The following MYADML2 variants were observed in gnomAD, a reference collection of about 807,000 sequenced individuals.
MYADML2 encodes myeloid associated differentiation marker like 2.
In MYADML2, 17 loss-of-function variants were observed where a neutral mutation model predicts 16.0. That is an observed-to-expected ratio of 1.06 (90% CI 0.73 to 1.60). The LOEUF (loss-of-function observed/expected upper bound fraction) is 1.60. MYADML2 is among the 40% of genes most tolerant of loss of function. MYADML2 has a pLI of 0.00. For missense variants in MYADML2, 422 were observed against 437.7 expected (o/e 0.96, Z 0.32); for synonymous variants, 210 against 208.1 (o/e 1.01, Z -0.08).
chr17:81,946,419 C>A (rs770855643), intron 1 of MYADML2, among the ~76,000 whole-genome samples: 4 of 150,350 alleles, frequency 2.7e-5, no homozygotes, highest in African/African-American at 7.4e-5. Flanking sequence ...GAGGCTGAGG[C>A]GGGCGGATCA....
At chr17:81,943,009 C>G (rs934075177) in intron 1 of MYADML2, among the ~76,000 whole-genome samples, 20 of 152,106 alleles carry the variant, frequency 1.3e-4, no homozygotes, top group Admixed American at 1.3e-3. Context: ...CACTTGCACT[C>G]ACTTCCACCT....
At chr17:81,943,146 T>G (rs2041318688) in intron 1 of MYADML2, among the ~76,000 whole-genome samples, 1 of 151,912 alleles carries the variant, frequency 6.6e-6, no homozygotes, top group African/African-American at 2.4e-5. Context: ...CTCTGCTCAC[T>G]GCAAGCTCCG....
chr17:81,941,133 C>T lies in MYADML2; in HGVS notation c.609G>A (p.Leu203=), dbSNP rs1476668160. The T allele has an allele frequency of 3.9e-6, 6 of 1,550,164 alleles. No homozygotes were observed. In the Admixed American group the frequency reaches 5.9e-5, roughly 15 times the overall value. The stretch of plus-strand genomic sequence containing the variant: ...CCACGGCCACTGTGGCCAGGAAGCA[C>T]AGGCTGTAGACGGCCACGCACCACT... ...ATQWCVAVYS[L]CFLATVAVVA... The change falls in exon 3 of 3, where the codon CTG becomes CTA. Residue 203 remains leucine (L), a synonymous_variant. Transcript: ENST00000409745.
In MYADML2 at chr17:81,941,468, C is replaced by G; in HGVS notation, c.274G>C (p.Ala92Pro). The G allele has an allele frequency of 1.3e-6, 2 of 1,548,960 alleles. No individual in the cohort carries two copies. The highest frequency in any genetic ancestry group is 1.7e-6 in the Non-Finnish European group (2 of 1,146,426). Reference sequence around the variant, plus strand: ...GCGCATAGCAGGGTGGCCAGCATGGCGAAGGCGGCGGTGAAGTTGCCCCAG... The same window carrying G: ...GCGCATAGCAGGGTGGCCAGCATGGGGAAGGCGGCGGTGAAGTTGCCCCAG... The part of the protein sequence containing the change: ...LSWGNFTAAF[A>P]MLATLLCATA... The change falls in exon 3 of 3, where the codon GCC becomes CCC. Residue 92 changes from alanine (A) to proline (P), a missense_variant. Coordinates refer to ENST00000409745, the MANE Select transcript of MYADML2 (RefSeq NM_001145113.3).
intron 1 of MYADML2, among the ~76,000 whole-genome samples, chr17:81,946,077 C>T (rs187269267): frequency 8.6e-4 from 131 of 151,832 alleles, no homozygotes; most frequent in African/African-American, 3.0e-3. Flanking sequence ...AATACTGGCC[C>T]GGCGCGGTGG....
At chr17:81,943,894 G>A (rs1452955336) in intron 1 of MYADML2, among the ~76,000 whole-genome samples, 4 of 151,186 alleles carry the variant, frequency 2.6e-5, no homozygotes, top group African/African-American at 7.3e-5. Flanking sequence ...GATGGATCAC[G>A]AGGTCAGGAG....
Position 81,941,491 on chromosome 17 carries a change from C to G in MYADML2, c.251G>C (p.Trp84Ser). 1 of 1,548,606 alleles carries G rather than the reference C, an allele frequency of 6.5e-7. No homozygotes were observed. Among genetic ancestry groups the G allele is most frequent in the Non-Finnish European group, 8.7e-7 (1 of 1,146,298 alleles). The change falls in exon 3 of 3, where the codon TGG becomes TCG. Residue 84 changes from tryptophan (W) to serine (S), a missense_variant. Transcript: ENST00000409745. Reference protein sequence around the residue: ...TRLHGCLRLSWGNFTAAFAML... With the variant: ...TRLHGCLRLSSGNFTAAFAML... ...GGCGAAGGCGGCGGTGAAGTTGCCCCAGGAGAGCCGCAGGCAGCCGTGGAG... is the reference window on the plus strand; with the variant it reads ...GGCGAAGGCGGCGGTGAAGTTGCCCGAGGAGAGCCGCAGGCAGCCGTGGAG...
In MYADML2 at chr17:81,940,597, C is replaced by CT. The variant is rs1300396171; in HGVS notation, c.*220dup. 4 of 536,752 alleles carry CT rather than the reference C, an allele frequency of 7.5e-6. No individual in the cohort carries two copies. Among genetic ancestry groups the CT allele is most frequent in the Non-Finnish European group, 1.3e-5 (4 of 304,898 alleles). 33.2% of individuals were successfully genotyped at this position (536,752 alleles called of 1,614,324 possible). ...GTTGGGGATTGGCCTAGGTGAGGCTCTCCCCTGCGTCTGCTCAGGGCCTCT... is the reference window on the plus strand; with the variant it reads ...GTTGGGGATTGGCCTAGGTGAGGCTCTTCCCCTGCGTCTGCTCAGGGCCTCT... On this transcript the variant is annotated 3_prime_UTR_variant, in exon 3 of 3. Coordinates refer to ENST00000409745, the MANE Select transcript of MYADML2 (RefSeq NM_001145113.3).
intron 1 of MYADML2, among the ~76,000 whole-genome samples, chr17:81,946,147 G>A (rs889248724): frequency 4.6e-5 from 7 of 151,832 alleles, no homozygotes; most frequent in African/African-American, 1.2e-4. Flanking sequence ...CTGAGGTCAG[G>A]AGTTTGAGAC....
chr17:81,941,652 C>T lies in MYADML2; in HGVS notation c.90G>A (p.Leu30=). ...GGCTGAAGGTAGTGCAGCCAAAGGC[C>T]AGCTGCAGCACGCGGGCTGTGCCCA... ...SPVGTARVLQ[L]AFGCTTFSLV... The change falls in exon 3 of 3, where the codon CTG becomes CTA. Residue 30 remains leucine (L), a synonymous_variant. Coordinates refer to ENST00000409745, the MANE Select transcript of MYADML2 (RefSeq NM_001145113.3). The T allele has an allele frequency of 1.3e-6, 2 of 1,549,630 alleles. No individual in the cohort carries two copies. Among genetic ancestry groups the T allele is most frequent in the Non-Finnish European group, 1.7e-6 (2 of 1,146,796 alleles).
chr17:81,946,216 G>A (rs982120442), intron 1 of MYADML2, among the ~76,000 whole-genome samples: 15 of 151,932 alleles, frequency 9.9e-5, no homozygotes, highest in Admixed American at 5.9e-4. Flanking sequence ...TTAGCCGGGC[G>A]TGGTGGTGGG....
rs1165503024 is a variant in MYADML2, at chr17:81,941,290, G to A, written c.452C>T (p.Ala151Val). ...ATAGCTGCTCACCTGGCCGGGCCGG[G>A]CCCGCGTCAGGGCCACCTCCACAGC... ...AYAVEVALTR[A>V]RPGQVSSYMA... The change falls in exon 3 of 3, where the codon GCC (alanine) becomes GTC (valine). Residue 151 changes from alanine (A) to valine (V), a missense_variant. Transcript: ENST00000409745. 2 of 1,549,966 alleles carry A rather than the reference G, an allele frequency of 1.3e-6. No homozygotes were observed. The highest frequency in any genetic ancestry group is 1.7e-4 in the Middle Eastern group (1 of 5,978).
In MYADML2 at chr17:81,943,090, G is replaced by T. The variant is rs1181786581; in HGVS notation, c.-180-717C>A. ...AAATGATATCTTTTTTTTTTTTTGAGACGGAGTCTTGCTGTGTTGCTCAGG... is the reference window on the plus strand; with the variant it reads ...AAATGATATCTTTTTTTTTTTTTGATACGGAGTCTTGCTGTGTTGCTCAGG... On this transcript the variant is annotated intron_variant, in intron 1 of 2. Transcript: ENST00000409745. Among the ~76,000 whole-genome samples the T allele has an allele frequency of 2.0e-5, 3 of 147,412 alleles. No individual in the cohort carries two copies. In the East Asian group the frequency reaches 5.8e-4, roughly 29 times the overall value.
chr17:81,945,268 G>A lies in MYADML2; in HGVS notation c.-181+1791C>T, dbSNP rs532601630. 1.8e-4 allele frequency among the ~76,000 whole-genome samples: 27 copies of A among 151,838 alleles called. No individual in the cohort carries two copies. The East Asian group carries it at 2.1e-3, about 12-fold the overall frequency. On this transcript the variant is annotated intron_variant, in intron 1 of 2. Coordinates refer to ENST00000409745, the MANE Select transcript of MYADML2 (RefSeq NM_001145113.3). ...AAAAAAAAAACAATTGGCTGGGTGC[G>A]GTGGCTCACACCTGTAATCCCAGCA... is the stretch of plus-strand genomic sequence containing the variant.
chr17:81,944,648 G>A (rs953726734), intron 1 of MYADML2, among the ~76,000 whole-genome samples: 1 of 152,078 alleles, frequency 6.6e-6, no homozygotes, highest in African/African-American at 2.4e-5. Flanking sequence ...CTAATGAGGC[G>A]ACTCCTGGTG....
At position 81,941,455 on chromosome 17, in the gene MYADML2, G is replaced by T. The variant is rs774545284; in HGVS notation, c.287C>A (p.Thr96Asn). 6 of 1,549,324 alleles carry T rather than the reference G, an allele frequency of 3.9e-6. No individual in the cohort carries two copies. In the East Asian group the frequency reaches 1.2e-4, roughly 32 times the overall value. Residue 96 changes from threonine to asparagine, a missense_variant, in exon 3 of 3, where the codon ACC becomes AAC. Thr to Asn is a moderately conservative substitution (Grantham distance 65, BLOSUM62 0). Transcript: ENST00000409745. ...NFTAAFAMLA[T>N]LLCATAAVLY... ...GACCGCAGCCGTCGCGCATAGCAGG[G>T]TGGCCAGCATGGCGAAGGCGGCGGT...
Position 81,940,673 on chromosome 17 carries a change from G to C in MYADML2, c.*145C>G, listed in dbSNP as rs2041294246. Reference sequence around the variant, plus strand: ...CTGAGCCCAGTCTGGAAGTCGGGGAGTGACCTCTCCCGTTGTACTTCATCT... The same window carrying C: ...CTGAGCCCAGTCTGGAAGTCGGGGACTGACCTCTCCCGTTGTACTTCATCT... On this transcript the variant is annotated 3_prime_UTR_variant, in exon 3 of 3. Coordinates refer to ENST00000409745, the MANE Select transcript of MYADML2 (RefSeq NM_001145113.3). 1 of 886,168 alleles carries C rather than the reference G, an allele frequency of 1.1e-6. No homozygotes were observed. The highest frequency in any genetic ancestry group is 1.7e-6 in the Non-Finnish European group (1 of 597,624). 54.9% of individuals were successfully genotyped at this position (886,168 alleles called of 1,614,324 possible). A position where few individuals can be genotyped will look rare whatever the true frequency, so the allele number is the denominator to read the frequency against.
chr17:81,941,241 G>A lies in MYADML2; in HGVS notation c.501C>T (p.Leu167=), dbSNP rs536057582. The change falls in exon 3 of 3, where the codon CTC becomes CTT. Residue 167 remains leucine, a synonymous_variant. Coordinates refer to ENST00000409745, the MANE Select transcript of MYADML2 (RefSeq NM_001145113.3). ...AGGCCACGAAGGCCTGGACGATCTT[G>A]AGGAGCCCCGACACCGTGGCCATAT... ...SSYMATVSGL[L]KIVQAFVACI... is the part of the protein sequence containing the mutation. 5.2e-6 allele frequency: 8 copies of A among 1,550,146 alleles called. No homozygotes were observed. The highest frequency in any genetic ancestry group is 2.4e-5 in the South Asian group (2 of 84,064).
chr17:81,944,866 C>T (rs1365289763), intron 1 of MYADML2, among the ~76,000 whole-genome samples: 1 of 152,172 alleles, frequency 6.6e-6, no homozygotes, highest in African/African-American at 2.4e-5. Flanking sequence ...TTCCAGGTGG[C>T]GGAATGCTTG....
Sources: gnomAD v4.1 joint callset for allele counts (sites outside exome capture counted in the v4.1 genomes callset) on GRCh38, gnomAD v4.1.1 for gene constraint, MANE v1.5 for transcripts, NCBI Gene and HGNC (gene_info 2026-07-23, HGNC 2026-07-21) for gene names.